POLN: variants seen among roughly 807,000 people sequenced by gnomAD.
The protein encoded by POLN is DNA polymerase nu.
A neutral mutation model predicts 113.5 loss-of-function variants in POLN; 108 were observed. The ratio of observed to expected loss-of-function variants is 0.95; its 90% CI spans 0.81 to 1.12. The LOEUF (loss-of-function observed/expected upper bound fraction) is 1.12, where lower values mean the gene tolerates loss of function less well. Among genes scored for constraint, POLN ranks in the 50% most tolerant of loss-of-function variants. POLN has a pLI of 0.00. For synonymous variants in POLN, 386 were observed against 391.5 expected (o/e 0.99, Z 0.17); for missense variants, 1,097 against 1,077.1 (o/e 1.02, Z -0.26).
At chr4:2,181,203 G>A (rs764483913) in intron 7 of POLN, among the ~76,000 whole-genome samples, 1 of 152,160 alleles carries the variant, frequency 6.6e-6, no homozygotes, top group African/African-American at 2.4e-5. Context: ...GGAGAGCAAT[G>A]GCATGATCTC....
At chr4:2,112,407 C>T (rs1731217807) in intron 19 of POLN, among the ~76,000 whole-genome samples, 1 of 152,160 alleles carries the variant, frequency 6.6e-6, no homozygotes, top group African/African-American at 2.4e-5. Flanking sequence ...AACTAAAGAG[C>T]TTCTGCACAG....
At chr4:2,232,033 T>C in intron 2 of POLN, 1 of 1,519,098 alleles carries the variant, frequency 6.6e-7, no homozygotes, top group Non-Finnish European at 9.1e-7. Context: ...GAATTCTCTT[T>C]CCATTTGATG....
intron 7 of POLN, among the ~76,000 whole-genome samples, chr4:2,192,094 G>C (rs1477273694): frequency 1.1e-4 from 14 of 129,644 alleles, no homozygotes; most frequent in Non-Finnish European, 1.8e-4. Context: ...TAGCCTGGGC[G>C]ACAGAGCGAG....
At chr4:2,089,615 T>C (rs1730621288) in intron 20 of POLN, 3 of 954,114 alleles carry the variant, frequency 3.1e-6, no homozygotes, top group African/African-American at 1.7e-5. Context: ...TCAACAGTCA[T>C]ATTTTCCAAC....
At position 2,081,269 on chromosome 4, in the gene POLN, C is replaced by T. The variant is rs34489066; in HGVS notation, c.2309-233G>A. 3.6e-4 allele frequency: 463 copies of T among 1,286,478 alleles called. 4 individuals carry two copies. The African/African-American group carries it at 6.2e-3, about 17-fold the overall frequency. The allele number at this position is 1,286,478 out of a possible 1,614,324, so 79.7% of individuals were successfully genotyped here. A position where few individuals can be genotyped will look rare whatever the true frequency, so the allele number is the denominator to read the frequency against. The stretch of plus-strand genomic sequence containing the variant: ...TTGGGTGCCTTACTCCTGGAGGCCT[C>T]ACCCCTGCCAGGCATGCATGGGGAG... On this transcript the variant is annotated intron_variant, in intron 22 of 25. Coordinates refer to ENST00000511885, the MANE Select transcript of POLN (RefSeq NM_181808.4).
Position 2,127,991 on chromosome 4 carries a change from G to C in POLN, c.1982+122C>G. 2 of 654,252 alleles carry C rather than the reference G, an allele frequency of 3.1e-6. No individual in the cohort carries two copies. Among genetic ancestry groups the C allele is most frequent in the Non-Finnish European group, 2.6e-6 (1 of 377,894 alleles). 40.5% of individuals were successfully genotyped at this position (654,252 alleles called of 1,614,324 possible). A position where few individuals can be genotyped will look rare whatever the true frequency, so the allele number is the denominator to read the frequency against. ...TCTACTCTTCTTTTCAAAATGATTAGCTATTAGCCACAAAAAATATAATTT... is the reference window on the plus strand; with the variant it reads ...TCTACTCTTCTTTTCAAAATGATTACCTATTAGCCACAAAAAATATAATTT... On this transcript the variant is annotated intron_variant, in intron 19 of 25. Transcript: ENST00000511885. This position sits in a 1 kb window ranked among gnomAD's most constrained non-coding sequence, Gnocchi z 4.7.
chr4:2,167,055 A>G (rs576090706), intron 13 of POLN, among the ~76,000 whole-genome samples: 35 of 152,234 alleles, frequency 2.3e-4, no homozygotes, highest in African/African-American at 8.2e-4. Context: ...CCACTAAACC[A>G]TCAACGGTGT....
intron 13 of POLN, among the ~76,000 whole-genome samples, chr4:2,168,069 T>C (rs1204913016): frequency 6.6e-6 from 1 of 152,126 alleles, no homozygotes; most frequent in African/African-American, 2.4e-5. Flanking sequence ...GTCTCAAAAC[T>C]TGAAGGGTTC....
rs140756450 is a variant in POLN, at chr4:2,215,327, C to T, written c.134-2201G>A. 3.9e-5 allele frequency among the ~76,000 whole-genome samples: 6 copies of T among 152,284 alleles called. No homozygotes were observed. In the East Asian group the frequency reaches 1.2e-3, roughly 29 times the overall value. ...ATGACCAAATCTCCCCGCTTATGCA[C>T]ACGAAGATGTTACGCACATAACACT... On this transcript the variant is annotated intron_variant, in intron 3 of 25. Coordinates refer to ENST00000511885, the MANE Select transcript of POLN (RefSeq NM_181808.4).
chr4:2,228,338 A>G, intron 3 of POLN: 1 of 242,104 alleles, frequency 4.1e-6, no homozygotes, highest in Non-Finnish European at 8.1e-6. Context: ...TGAGCATATC[A>G]CTGCTTTCAC....
intron 2 of POLN, among the ~76,000 whole-genome samples, chr4:2,234,788 C>A (rs1577796215): frequency 1.3e-5 from 2 of 152,124 alleles, no homozygotes; most frequent in African/African-American, 4.8e-5. Flanking sequence ...CAATTTAAAA[C>A]GACCAGGATA....
At chr4:2,173,855 A>T in intron 11 of POLN, 100 bp downstream of exon 11, 1 of 1,134,200 alleles carries the variant, frequency 8.8e-7, no homozygotes, top group Admixed American at 1.8e-5. Context: ...CAAACAAGGA[A>T]GAGAAGAAAA....
chr4:2,075,738 C>A (rs1730259959), intron 23 of POLN, among the ~76,000 whole-genome samples: 1 of 152,198 alleles, frequency 6.6e-6, no homozygotes, highest in Non-Finnish European at 1.5e-5. Context: ...GGCACCACTG[C>A]TTGAGGTCAC....
chr4:2,072,881 CT>C, intron 25 of POLN, 86 bp downstream of exon 25: 1 of 1,430,704 alleles, frequency 7.0e-7, no homozygotes, highest in African/African-American at 1.4e-5. Flanking sequence ...GGGCTGCACC[CT>C]TTGGCCTGGC....
Position 2,085,632 on chromosome 4 carries a change from A to C in POLN, c.2178T>G (p.Ile726Met), listed in dbSNP as rs1301996805. ...ACTCACCTGTCTGGTGACACTGGGC[A>C]ATAGCTGCTCGGGCGAAGTCCTTGA... ...KKIKDFARAAIAQCHQTGCVV... is the reference protein window; with the variant it reads ...KKIKDFARAAMAQCHQTGCVV... Residue 726 changes from isoleucine to methionine, a missense_variant, in exon 21 of 26, where the codon ATT becomes ATG. By Grantham distance (10) the Ile-to-Met change is conservative (BLOSUM62 1). Coordinates refer to ENST00000511885, the MANE Select transcript of POLN (RefSeq NM_181808.4). The C allele has an allele frequency of 6.2e-7, 1 of 1,614,080 alleles. No individual in the cohort carries two copies. The highest frequency in any genetic ancestry group is 8.5e-7 in the Non-Finnish European group (1 of 1,180,032).
At chr4:2,161,793 C>T (rs1459132818) in intron 13 of POLN, among the ~76,000 whole-genome samples, 17 of 152,290 alleles carry the variant, frequency 1.1e-4, no homozygotes, top group African/African-American at 3.8e-4. Flanking sequence ...ATACACCAAT[C>T]GGCACTCTGT....
At chr4:2,143,842 C>T (rs1732065841) in intron 16 of POLN, among the ~76,000 whole-genome samples, 1 of 152,060 alleles carries the variant, frequency 6.6e-6, no homozygotes, top group Non-Finnish European at 1.5e-5. Context: ...CTTGTGCACA[C>T]TTATCCCAGA....
chr4:2,169,091 T>C (rs1732797448), intron 13 of POLN, among the ~76,000 whole-genome samples: 1 of 152,064 alleles, frequency 6.6e-6, no homozygotes, highest in South Asian at 2.1e-4. Context: ...GGCACGAGTC[T>C]GGGGACAGAG....
intron 16 of POLN, among the ~76,000 whole-genome samples, chr4:2,148,034 TC>T (rs1732193562): frequency 6.6e-6 from 1 of 152,056 alleles, no homozygotes; most frequent in Non-Finnish European, 1.5e-5. Context: ...CAGAAAAGGC[TC>T]CCATTCTCAT....
Sources: gnomAD v4.1 joint callset for allele counts (sites outside exome capture counted in the v4.1 genomes callset) on GRCh38, gnomAD v4.1.1 for gene constraint, Gnocchi (gnomAD v3.1) non-coding constraint, MANE v1.5 for transcripts, NCBI Gene and HGNC (gene_info 2026-07-23, HGNC 2026-07-21) for gene names.